DDC: variants seen among roughly 807,000 people sequenced by gnomAD.
DDC encodes dopa decarboxylase.
A neutral mutation model predicts 60.0 loss-of-function variants in DDC; 43 were observed. The observed-to-expected ratio is 0.72, with a 90% CI of 0.56 to 0.92. The LOEUF is 0.92. Among genes scored for constraint, DDC ranks in the 40% least tolerant of loss-of-function variants. The pLI, the probability that DDC is intolerant of heterozygous loss-of-function variation, is 0.00. For synonymous variants in DDC, 232 were observed against 234.6 expected (o/e 0.99, Z 0.10); for missense variants, 573 against 620.2 (o/e 0.92, Z 0.81).
intron 4 of DDC, among the ~76,000 whole-genome samples, chr7:50,532,508 C>T (rs542849855): frequency 6.6e-6 from 1 of 152,332 alleles, no homozygotes; most frequent in East Asian, 1.9e-4. Context: ...TTCCTACTAG[C>T]CTTGGCTTTA....
At chr7:50,483,487 C>T (rs917657576) in intron 9 of DDC, among the ~76,000 whole-genome samples, 2 of 152,126 alleles carry the variant, frequency 1.3e-5, no homozygotes, top group Non-Finnish European at 2.9e-5. Context: ...GTTTTAGAAT[C>T]AAATTTAGAC....
At chr7:50,551,229 C>CTT (rs58446864) in intron 1 of DDC, among the ~76,000 whole-genome samples, 65 of 133,002 alleles carry the variant, frequency 4.9e-4, no homozygotes, top group South Asian at 7.4e-4. Flanking sequence ...TTCCGTTGTA[C>CTT]TTTTTTTTTT....
At chr7:50,514,296 G>A (rs867400537) in intron 6 of DDC, among the ~76,000 whole-genome samples, 39 of 152,096 alleles carry the variant, frequency 2.6e-4, no homozygotes, top group African/African-American at 9.4e-4. Context: ...CTACATCAAG[G>A]GAACACCCTG....
chr7:50,503,958 C>T (rs751431905), intron 7 of DDC, 35 bp downstream of exon 7: 2 of 1,500,198 alleles, frequency 1.3e-6, no homozygotes, highest in Admixed American at 1.7e-5. Context: ...GTACAGAGAA[C>T]ATTTTCCAAA....
chr7:50,469,255 T>TAA (rs755613984), intron 12 of DDC, among the ~76,000 whole-genome samples: 4 of 56,562 alleles, frequency 7.1e-5, no homozygotes, highest in African/African-American at 1.5e-4. Context: ...ATTGTTATTT[T>TAA]AAAAAAAAAA....
At chr7:50,560,311 T>C (rs1052251195) in intron 1 of DDC, among the ~76,000 whole-genome samples, 3 of 152,150 alleles carry the variant, frequency 2.0e-5, no homozygotes, top group Non-Finnish European at 4.4e-5. Context: ...GAAGAACCCA[T>C]GTCACCTGCC....
chr7:50,481,324 A>G (rs192508215), intron 9 of DDC, among the ~76,000 whole-genome samples: 133 of 152,244 alleles, frequency 8.7e-4, no homozygotes, highest in African/African-American at 2.9e-3. Flanking sequence ...GTGTATAGGA[A>G]TTTTCTTGCA....
chr7:50,559,512 C>G (rs534323251), intron 1 of DDC, among the ~76,000 whole-genome samples: 5 of 151,936 alleles, frequency 3.3e-5, no homozygotes, highest in Non-Finnish European at 7.4e-5. Flanking sequence ...ACTGCAACCT[C>G]CGCCTCCCGG....
At chr7:50,462,226 C>CAAAAAAAAAAAAAAAAAA (rs11410259) in intron 14 of DDC, among the ~76,000 whole-genome samples, 813 of 75,104 alleles carry the variant, frequency 0.011, no homozygotes, top group Middle Eastern at 0.019. Context: ...GACAAAAAGA[C>CAAAAAAAAAAAAAAAAAA]AAAAAAAAAA....
At chr7:50,509,151 G>A (rs1200671205) in intron 6 of DDC, among the ~76,000 whole-genome samples, 3 of 151,988 alleles carry the variant, frequency 2.0e-5, no homozygotes, top group Non-Finnish European at 4.4e-5. Flanking sequence ...AAGGGACCAT[G>A]GCTCGCCACA....
In DDC at chr7:50,504,070, A is replaced by T. The variant is rs2043327204; in HGVS notation, c.715-11T>A. The stretch of plus-strand genomic sequence containing the variant: ...CAGGGTGGCAACCATCTAGAGGGTA[A>T]AAAGCAGACAGCCTTTTATTCCCCA... On this transcript the variant is annotated splice_polypyrimidine_tract_variant and intron_variant, in intron 6 of 14. Transcript: ENST00000444124. The T allele has an allele frequency of 6.2e-7, 1 of 1,605,738 alleles. No homozygotes were observed.
At chr7:50,559,985 G>C (rs2045303911) in intron 1 of DDC, among the ~76,000 whole-genome samples, 2 of 152,144 alleles carry the variant, frequency 1.3e-5, no homozygotes, top group South Asian at 4.1e-4. Flanking sequence ...GTGCCCAGAA[G>C]ACAGGAAGAA....
intron 4 of DDC, among the ~76,000 whole-genome samples, chr7:50,530,204 G>A (rs888269053): frequency 7.2e-5 from 11 of 151,994 alleles, no homozygotes; most frequent in South Asian, 4.2e-4. Context: ...GCAGTGAGCC[G>A]CAATTACAAC....
In DDC at chr7:50,529,655, A is replaced by G. The variant is rs11575333; in HGVS notation, c.436-313T>C. Among the ~76,000 whole-genome samples, 441 of 152,212 alleles carry G rather than the reference A, an allele frequency of 2.9e-3. 1 individual carries two copies. The highest frequency in any genetic ancestry group is 9.4e-3 in the African/African-American group (392 of 41,526). On this transcript the variant is annotated intron_variant, in intron 4 of 14. Transcript: ENST00000444124. ...TGGACTGCCCCCAGCCTGGCCTAGG[A>G]CGACTGCTCCTGTCTCTATCAGAGG... is the stretch of plus-strand genomic sequence containing the variant.
intron 11 of DDC, among the ~76,000 whole-genome samples, chr7:50,474,453 G>A (rs544768758): frequency 5.3e-5 from 8 of 152,324 alleles, no homozygotes; most frequent in African/African-American, 1.2e-4. Context: ...AGGACTGGAA[G>A]GCCCTGGATG....
chr7:50,514,302 C>G (rs1355149526), intron 6 of DDC, among the ~76,000 whole-genome samples: 1 of 152,128 alleles, frequency 6.6e-6, no homozygotes, highest in South Asian at 2.1e-4. Context: ...CAAGGGAACA[C>G]CCTGTGGGAC....
intron 3 of DDC, 48 bp downstream of exon 3, chr7:50,539,867 A>T (rs774813703): frequency 6.9e-7 from 1 of 1,448,422 alleles, no homozygotes; most frequent in Non-Finnish European, 9.7e-7. Flanking sequence ...CCACCCCGGG[A>T]TCCCACCACA....
chr7:50,540,494 AC>A (rs149353795), intron 2 of DDC, among the ~76,000 whole-genome samples: 47,300 of 122,326 alleles, frequency 0.39, 7,550 homozygotes, highest in East Asian at 0.56. Context: ...AAACAAACAA[AC>A]AAAAAAAAAA....
chr7:50,508,129 AAGG>A, intron 6 of DDC, among the ~76,000 whole-genome samples: 1 of 152,328 alleles, frequency 6.6e-6, no homozygotes, highest in Non-Finnish European at 1.5e-5. Context: ...TTGCTGTGGT[AAGG>A]AGGAGGCCTG....
Sources: allele counts gnomAD v4.1 joint callset (sites outside exome capture counted in the v4.1 genomes callset), GRCh38; gene constraint gnomAD v4.1.1; transcripts MANE v1.5; gene names NCBI Gene and HGNC (gene_info 2026-07-23, HGNC 2026-07-21).